PDE1A: variants seen among roughly 807,000 people sequenced by gnomAD.
The protein encoded by PDE1A is dual specificity calcium/calmodulin-dependent 3',5'-cyclic nucleotide phosphodiesterase 1A.
Under a neutral mutation model 61.7 loss-of-function variants are expected in PDE1A, and 35 were observed. That is an observed-to-expected ratio of 0.57 (90% CI 0.43 to 0.75). The LOEUF is 0.75. Ranked by LOEUF, PDE1A falls within the 30% of genes least tolerant of loss-of-function variation. PDE1A has a pLI of 0.00. For synonymous variants in PDE1A, 232 were observed against 213.2 expected (o/e 1.09, Z -0.77); for missense variants, 597 against 630.6 (o/e 0.95, Z 0.57).
intron 2 of PDE1A, among the ~76,000 whole-genome samples, chr2:182,516,702 G>GAGGAAGGGAGGAAGGAAGGA (rs1553636652): frequency 7.4e-4 from 86 of 116,836 alleles, no homozygotes; most frequent in African/African-American, 2.3e-3. Flanking sequence ...GGGAGGAAGG[G>GAGGAAGGGAGGAAGGAAGGA]AGGAAGGAAG....
At chr2:182,495,062 C>T (rs1688628789) in intron 2 of PDE1A, among the ~76,000 whole-genome samples, 1 of 152,170 alleles carries the variant, frequency 6.6e-6, no homozygotes. Flanking sequence ...TCCAGGCAGT[C>T]ATCTTAGGCA....
At chr2:182,250,136 G>A (rs16822961) in intron 2 of PDE1A, among the ~76,000 whole-genome samples, 15,227 of 151,976 alleles carry the variant, frequency 0.1, 1,087 homozygotes, top group East Asian at 0.31. Context: ...CTTCACATTC[G>A]GTCAATGCTA....
chr2:182,165,225 T>C (rs1383354486), downstream of PDE1A, among the ~76,000 whole-genome samples: 2 of 152,144 alleles, frequency 1.3e-5, no homozygotes. Context: ...AGTGACCCAC[T>C]AGCAAAATTT....
At chr2:182,403,603 A>C (rs1227678644) in intron 1 of PDE1A, among the ~76,000 whole-genome samples, 1 of 150,926 alleles carries the variant, frequency 6.6e-6, no homozygotes, top group South Asian at 2.1e-4. Flanking sequence ...CGTCTCAAAA[A>C]AAAAAAAAAA....
the PDE1A span, among the ~76,000 whole-genome samples, chr2:182,589,438 A>C: frequency 6.6e-6 from 1 of 152,124 alleles, no homozygotes; most frequent in African/African-American, 2.4e-5. Flanking sequence ...ATCTGAATGA[A>C]TATAATAATA....
chr2:182,163,203 T>G (rs118008892), downstream of PDE1A, among the ~76,000 whole-genome samples: 23 of 152,270 alleles, frequency 1.5e-4, no homozygotes, highest in East Asian at 4.4e-3. Flanking sequence ...CCAATGTAGT[T>G]TCATTCTTGA....
Position 182,441,418 on chromosome 2 carries a change from C to T in PDE1A, c.101+80858G>A, listed in dbSNP as rs142842642. ...ATTGAGGATAATAGGAGCCAGATTG[C>T]TCATGATTGGAGACGGAATTTCACA... is the stretch of plus-strand genomic sequence containing the variant. On this transcript the variant is annotated intron_variant, in intron 2 of 14. Transcript: ENST00000410103. 2.9e-3 allele frequency among the ~76,000 whole-genome samples: 443 copies of T among 152,088 alleles called. 2 individuals carry two copies. Among genetic ancestry groups the T allele is most frequent in the Non-Finnish European group, 5.1e-3 (345 of 67,982 alleles).
intron 2 of PDE1A, among the ~76,000 whole-genome samples, chr2:182,244,362 T>TTTA (rs1201827399): frequency 1.3e-5 from 1 of 74,560 alleles, no homozygotes; most frequent in Non-Finnish European, 2.6e-5. Flanking sequence ...ACCTTTTTCT[T>TTTA]TTTTTAAAAA....
the PDE1A span, among the ~76,000 whole-genome samples, chr2:182,692,465 A>G: frequency 1.3e-5 from 2 of 151,964 alleles, no homozygotes; most frequent in Non-Finnish European, 2.9e-5. Context: ...TGGGAACTGA[A>G]AAATGAGAAC....
chr2:182,565,843 G>C, the PDE1A span, among the ~76,000 whole-genome samples: 1 of 151,928 alleles, frequency 6.6e-6, no homozygotes, highest in Non-Finnish European at 1.5e-5. Context: ...TTTTTCCCAG[G>C]TTAAACAACT....
chr2:182,209,714 C>A (rs2125521892), intron 7 of PDE1A, among the ~76,000 whole-genome samples: 1 of 152,018 alleles, frequency 6.6e-6, no homozygotes, highest in Non-Finnish European at 1.5e-5. Context: ...CCTTCACTCC[C>A]TCTCTTGCCA....
intron 10 of PDE1A, among the ~76,000 whole-genome samples, chr2:182,196,630 TA>T (rs1686152965): frequency 6.6e-6 from 1 of 151,888 alleles, no homozygotes; most frequent in Admixed American, 6.6e-5. Flanking sequence ...CAAGGAATCC[TA>T]ACCCATATAG....
the PDE1A span, among the ~76,000 whole-genome samples, chr2:182,712,879 C>A: frequency 2.6e-5 from 4 of 152,048 alleles, no homozygotes; most frequent in Admixed American, 2.6e-4. Flanking sequence ...TTAAATAATT[C>A]AATACTGTAA....
In PDE1A at chr2:182,516,839, G is replaced by A. The variant is rs897882154; in HGVS notation, c.101+5437C>T. ...AAGGAAGGGAAGGAAGGAAGGGAGG[G>A]AGGGAGGGAGGGAGGGAGGGAGGGA... On this transcript the variant is annotated intron_variant, in intron 2 of 14. Coordinates refer to the PDE1A transcript ENST00000410103. Among the ~76,000 whole-genome samples, 7 of 47,688 alleles carry A rather than the reference G, an allele frequency of 1.5e-4. 1 individual carries two copies. The highest frequency in any genetic ancestry group is 1.9e-3 in the East Asian group (1 of 528). The allele number at this position is 47,688 out of a possible 152,430, so 31.3% of individuals were successfully genotyped here.
intron 2 of PDE1A, among the ~76,000 whole-genome samples, chr2:182,491,629 G>C (rs951261661): frequency 1.3e-5 from 2 of 152,252 alleles, no homozygotes; most frequent in Admixed American, 1.3e-4. Flanking sequence ...CTGTTTCCTA[G>C]TGTTTATAAT....
chr2:182,335,737 C>T (rs1231630770), intron 1 of PDE1A, among the ~76,000 whole-genome samples: 1 of 152,128 alleles, frequency 6.6e-6, no homozygotes, highest in Non-Finnish European at 1.5e-5. Flanking sequence ...ACATCAAAAG[C>T]AATGGCGACA....
chr2:182,201,341 A>T, intron 10 of PDE1A, 98 bp downstream of exon 10: 1 of 1,432,334 alleles, frequency 7.0e-7, no homozygotes, highest in Non-Finnish European at 9.5e-7. Flanking sequence ...AGTTGATAAT[A>T]GTAAGTCACA....
At chr2:182,585,407 T>C in the PDE1A span, among the ~76,000 whole-genome samples, 1 of 152,204 alleles carries the variant, frequency 6.6e-6, no homozygotes. Flanking sequence ...ATATAAAAAT[T>C]TGTATATGAA....
chr2:182,313,815 T>C (rs1207817332), intron 1 of PDE1A, among the ~76,000 whole-genome samples: 1 of 152,188 alleles, frequency 6.6e-6, no homozygotes, highest in East Asian at 1.9e-4. Flanking sequence ...TAAGTACACT[T>C]GAGTAATCAT....
Sources: gnomAD v4.1 joint callset for allele counts (sites outside exome capture counted in the v4.1 genomes callset) on GRCh38, gnomAD v4.1.1 for gene constraint, MANE v1.5 for transcripts, NCBI Gene and HGNC (gene_info 2026-07-23, HGNC 2026-07-21) for gene names.